The following SH3RF3 variants were observed in gnomAD, a reference collection of about 807,000 sequenced individuals.
The protein encoded by SH3RF3 is E3 ubiquitin-protein ligase SH3RF3.
A neutral mutation model predicts 66.3 loss-of-function variants in SH3RF3; 29 were observed. That is an observed-to-expected ratio of 0.44 (90% CI 0.33 to 0.60). The LOEUF is 0.60. Among genes scored for constraint, SH3RF3 ranks in the 20% least tolerant of loss-of-function variants. The pLI, the probability that SH3RF3 is intolerant of heterozygous loss-of-function variation, is 0.04. For missense variants in SH3RF3, 1,194 were observed against 1,190.9 expected, an observed-to-expected ratio of 1.00 and a Z score of -0.04; for synonymous variants, 583 against 532.0, an observed-to-expected ratio of 1.10 and a Z score of -1.32.
chr2:109,489,994 T>C (rs1056679218), intron 8 of SH3RF3, among the ~76,000 whole-genome samples: 9 of 152,192 alleles, frequency 5.9e-5, no homozygotes, highest in South Asian at 2.1e-4. Context: ...CACCTTGGCC[T>C]CCCAAATTGC....
chr2:109,369,135 G>A (rs972317074), intron 2 of SH3RF3, among the ~76,000 whole-genome samples: 10 of 151,964 alleles, frequency 6.6e-5, no homozygotes, highest in Non-Finnish European at 2.9e-5. Context: ...ACGAGGTCAG[G>A]GGATCGAGAC....
intron 1 of SH3RF3, among the ~76,000 whole-genome samples, chr2:109,130,784 G>C (rs1339796115): frequency 6.6e-6 from 1 of 152,022 alleles, no homozygotes; most frequent in African/African-American, 2.4e-5. Flanking sequence ...TATTATTTTT[G>C]GTACAGCCGC....
At position 109,229,694 on chromosome 2, in the gene SH3RF3, A is replaced by G. The variant is rs371225222; in HGVS notation, c.573+99581A>G. 1.2e-3 allele frequency among the ~76,000 whole-genome samples: 176 copies of G among 152,298 alleles called. 2 individuals carry two copies. In the South Asian group the frequency reaches 0.035, roughly 30 times the overall value. The stretch of plus-strand genomic sequence containing the variant: ...AGCATACAGAAAATAAGACATGGTG[A>G]CTACATCTAGGTACCTCGTATAACT... On this transcript the variant is annotated intron_variant, in intron 1 of 9. Transcript: ENST00000309415.
chr2:109,338,937 A>G lies in SH3RF3; in HGVS notation c.574-8737A>G, dbSNP rs899649034. On this transcript the variant is annotated intron_variant, in intron 1 of 9. Transcript: ENST00000309415. ...GATAACACAAACAGTTGATCAACAC[A>G]TATCTTGGGAGAACTATACATTATA... Among the ~76,000 whole-genome samples the G allele has an allele frequency of 2.0e-5, 3 of 152,234 alleles. 1 individual carries two copies. The highest frequency in any genetic ancestry group is 1.3e-4 in the Admixed American group (2 of 15,286).
At chr2:109,467,817 C>G (rs2104710796) in intron 8 of SH3RF3, among the ~76,000 whole-genome samples, 1 of 152,314 alleles carries the variant, frequency 6.6e-6, no homozygotes, top group African/African-American at 2.4e-5. Flanking sequence ...TCAGGACAGG[C>G]TGCACACGCA....
At chr2:109,319,743 C>A (rs1236138833) in intron 1 of SH3RF3, among the ~76,000 whole-genome samples, 1 of 152,256 alleles carries the variant, frequency 6.6e-6, no homozygotes, top group Non-Finnish European at 1.5e-5. Flanking sequence ...TGCCTGCCCC[C>A]AGCCTGTCCA....
intron 6 of SH3RF3, among the ~76,000 whole-genome samples, chr2:109,434,974 G>A (rs1013409224): frequency 3.9e-5 from 6 of 152,192 alleles, no homozygotes; most frequent in Non-Finnish European, 8.8e-5. Flanking sequence ...AGCACTTAGA[G>A]TGGCCCGGTC....
rs1039876909 is a variant in SH3RF3 at position 109,354,203 on chromosome 2, CTGTGTG to C, written c.849+6259_849+6264del. Among the ~76,000 whole-genome samples the C allele has an allele frequency of 2.2e-4, 33 of 152,286 alleles. No homozygotes were observed. The Middle Eastern group carries it at 0.01, about 47-fold the overall frequency. On this transcript the variant is annotated intron_variant, in intron 2 of 9. Transcript: ENST00000309415. ...CCTGCGACACAGAGTGGGTTGGGCC[CTGTGTG>C]TGTGGCTGACCTGTGTGCCGCCAAC...
At chr2:109,437,734 G>A (rs749447504) in intron 7 of SH3RF3, among the ~76,000 whole-genome samples, 2 of 151,644 alleles carry the variant, frequency 1.3e-5, no homozygotes, top group Non-Finnish European at 2.9e-5. Context: ...AAGGAAAACC[G>A]GTTTGGCCCC....
chr2:109,148,087 C>T (rs1427739497), intron 1 of SH3RF3, among the ~76,000 whole-genome samples: 1 of 152,164 alleles, frequency 6.6e-6, no homozygotes, highest in Non-Finnish European at 1.5e-5. Flanking sequence ...GACCATCTGG[C>T]TGGGCTGCCA....
intron 4 of SH3RF3, among the ~76,000 whole-genome samples, chr2:109,415,160 C>T (rs1005690713): frequency 6.6e-6 from 1 of 152,118 alleles, no homozygotes; most frequent in Non-Finnish European, 1.5e-5. Context: ...TTGGAGTCTC[C>T]TCCAGACTCC....
intron 2 of SH3RF3, 33 bp from the exon 3 acceptor site, chr2:109,371,553 A>T: frequency 6.3e-7 from 1 of 1,587,518 alleles, no homozygotes; most frequent in Non-Finnish European, 8.6e-7. Context: ...GTGTGTCCGT[A>T]TGCTTGTGTC....
intron 4 of SH3RF3, among the ~76,000 whole-genome samples, chr2:109,407,110 G>T (rs1293674997): frequency 6.6e-6 from 1 of 152,226 alleles, no homozygotes; most frequent in Non-Finnish European, 1.5e-5. Context: ...CTGGGCAGGG[G>T]CTCTTGCTGG....
chr2:109,155,910 G>A (rs1188951332), intron 1 of SH3RF3, among the ~76,000 whole-genome samples: 2 of 152,244 alleles, frequency 1.3e-5, no homozygotes, highest in Admixed American at 6.5e-5. Flanking sequence ...ATTGTAACAA[G>A]TGCTGTATTG....
At position 109,409,862 on chromosome 2, in the gene SH3RF3, C is replaced by T. The variant is rs566704942; in HGVS notation, c.1300-9677C>T. Among the ~76,000 whole-genome samples, 40 of 152,154 alleles carry T rather than the reference C, an allele frequency of 2.6e-4. No homozygotes were observed. The South Asian group carries it at 8.1e-3, about 31-fold the overall frequency. ...TACACCCCGTGTAATGGAGTGGTAG[C>T]GAGTGATGAATAATGCATGCCCATT... On this transcript the variant is annotated intron_variant, in intron 4 of 9. Coordinates refer to ENST00000309415, the MANE Select transcript of SH3RF3 (RefSeq NM_001099289.3).
intron 4 of SH3RF3, among the ~76,000 whole-genome samples, chr2:109,401,721 C>T (rs11890176): frequency 2.0e-5 from 3 of 152,208 alleles, no homozygotes; most frequent in African/African-American, 7.2e-5. Flanking sequence ...GTACAGGATC[C>T]GGTTTCCTCT....
chr2:109,358,826 G>T (rs1320563987), intron 2 of SH3RF3, among the ~76,000 whole-genome samples: 1 of 152,100 alleles, frequency 6.6e-6, no homozygotes, highest in African/African-American at 2.4e-5. Context: ...TGTGGATCAT[G>T]CTTTTGGTGC....
intron 1 of SH3RF3, among the ~76,000 whole-genome samples, chr2:109,264,822 G>A (rs1452004412): frequency 1.3e-5 from 2 of 152,244 alleles, no homozygotes; most frequent in Non-Finnish European, 2.9e-5. Flanking sequence ...GCACCCTCCT[G>A]AGGCTTTCTG....
At chr2:109,389,342 G>A (rs1675917268) in intron 3 of SH3RF3, among the ~76,000 whole-genome samples, 1 of 152,206 alleles carries the variant, frequency 6.6e-6, no homozygotes, top group Admixed American at 6.5e-5. Context: ...GGCAATGTCT[G>A]TCATCTCCCC....
Sources: allele counts gnomAD v4.1 joint callset (sites outside exome capture counted in the v4.1 genomes callset), GRCh38; gene constraint gnomAD v4.1.1; transcripts MANE v1.5; gene names NCBI Gene and HGNC (gene_info 2026-07-23, HGNC 2026-07-21).